Variants in SMIM36 observed in about 807,000 individuals in gnomAD.
The protein encoded by SMIM36 is small integral membrane protein 36.
intron 1 of SMIM36, among the ~76,000 whole-genome samples, chr17:55,498,852 T>C (rs1909857257): frequency 6.6e-6 from 1 of 151,520 alleles, no homozygotes; most frequent in Non-Finnish European, 1.5e-5. Flanking sequence ...CACAAAAAAT[T>C]AGCCTGCATG....
chr17:55,485,395 C>G (rs908363606), intron 1 of SMIM36, among the ~76,000 whole-genome samples: 2 of 152,072 alleles, frequency 1.3e-5, no homozygotes, highest in Non-Finnish European at 2.9e-5. Context: ...CTCAAGCAGT[C>G]CCACCTCAGC....
chr17:55,450,972 C>G lies in SMIM36; in HGVS notation c.*532-674G>C, dbSNP rs374235349. On this transcript the variant is annotated intron_variant, in intron 4 of 4. Transcript: ENST00000636752. ...CACGATCATGGCTCACTGCAACCTC[C>G]GCCTCCCGAGTTCAAGCAATTCTCC... 1.2e-4 allele frequency among the ~76,000 whole-genome samples: 19 copies of G among 152,292 alleles called. No individual in the cohort carries two copies. In the East Asian group the frequency reaches 3.5e-3, roughly 28 times the overall value.
At chr17:55,466,053 G>A (rs1221047321) in intron 4 of SMIM36, among the ~76,000 whole-genome samples, 9 of 151,940 alleles carry the variant, frequency 5.9e-5, no homozygotes, top group African/African-American at 2.2e-4. Context: ...CGAGGTGGGC[G>A]GATCACCTGA....
chr17:55,515,707 A>G (rs529949296), upstream of SMIM36, among the ~76,000 whole-genome samples: 1 of 152,348 alleles, frequency 6.6e-6, no homozygotes, highest in East Asian at 1.9e-4. Context: ...CAGGCCTGGG[A>G]CAGACCCTCC....
chr17:55,522,739 A>G, the SMIM36 span, among the ~76,000 whole-genome samples: 4 of 152,016 alleles, frequency 2.6e-5, no homozygotes, highest in Non-Finnish European at 4.4e-5. Flanking sequence ...TTTCTCCTTT[A>G]TTCTGCTTAT....
chr17:55,451,545 T>C (rs1348134804), intron 4 of SMIM36, among the ~76,000 whole-genome samples: 1 of 152,222 alleles, frequency 6.6e-6, no homozygotes, highest in Non-Finnish European at 1.5e-5. Context: ...AACAGTCTTG[T>C]TTATTTGTTG....
At chr17:55,470,727 A>G (rs1392624606) in intron 3 of SMIM36, among the ~76,000 whole-genome samples, 1 of 152,012 alleles carries the variant, frequency 6.6e-6, no homozygotes, top group African/African-American at 2.4e-5. Context: ...CCCTACCTTA[A>G]TCCGCAAGTA....
chr17:55,473,954 TGCATGAGAAGA>T (rs1442779289), intron 3 of SMIM36, among the ~76,000 whole-genome samples: 1 of 152,176 alleles, frequency 6.6e-6, no homozygotes, highest in African/African-American at 2.4e-5. Flanking sequence ...ATCAGTTATT[TGCATGAGAAGA>T]GCACTGTGAA....
the SMIM36 span, among the ~76,000 whole-genome samples, chr17:55,528,595 C>G: frequency 6.7e-6 from 1 of 150,138 alleles, no homozygotes; most frequent in African/African-American, 2.5e-5. Flanking sequence ...TTTTGTTGTC[C>G]AGGCTGGAGT....
chr17:55,496,856 C>G (rs889419841), intron 1 of SMIM36, among the ~76,000 whole-genome samples: 1 of 152,130 alleles, frequency 6.6e-6, no homozygotes, highest in Non-Finnish European at 1.5e-5. Context: ...AAGTCAGGAT[C>G]CCTGGATTCT....
At chr17:55,530,457 G>A in the SMIM36 span, among the ~76,000 whole-genome samples, 1 of 152,166 alleles carries the variant, frequency 6.6e-6, no homozygotes, top group Non-Finnish European at 1.5e-5. Flanking sequence ...AGATTGTAGA[G>A]CTAATTAATA....
chr17:55,480,890 A>G (rs1287776750), intron 1 of SMIM36, among the ~76,000 whole-genome samples: 2 of 151,784 alleles, frequency 1.3e-5, no homozygotes, highest in Admixed American at 1.3e-4. Context: ...GTTATCTTAG[A>G]TTTTTCTATG....
At chr17:55,516,511 C>T in the SMIM36 span, among the ~76,000 whole-genome samples, 1 of 150,374 alleles carries the variant, frequency 6.7e-6, no homozygotes, top group Non-Finnish European at 1.5e-5. Context: ...ATATAACAGG[C>T]CAAAATGTAG....
At chr17:55,492,659 C>A (rs1010594877) in intron 1 of SMIM36, among the ~76,000 whole-genome samples, 2 of 150,740 alleles carry the variant, frequency 1.3e-5, no homozygotes, top group African/African-American at 2.4e-5. Context: ...ACACACACAT[C>A]AATTGCTAAC....
At chr17:55,502,820 C>G (rs1426588725) in intron 1 of SMIM36, among the ~76,000 whole-genome samples, 1 of 81,906 alleles carries the variant, frequency 1.2e-5, no homozygotes, top group Non-Finnish European at 2.2e-5. Flanking sequence ...AAGTTGAAAA[C>G]TTTGAAAAAA....
intron 1 of SMIM36, among the ~76,000 whole-genome samples, chr17:55,502,975 C>T (rs1395379182): frequency 1.3e-5 from 2 of 151,192 alleles, no homozygotes; most frequent in African/African-American, 2.5e-5. Context: ...AGGGTGTCAG[C>T]AATGGAAGAC....
chr17:55,514,635 T>C (rs1415519344), upstream of SMIM36, among the ~76,000 whole-genome samples: 1 of 152,232 alleles, frequency 6.6e-6, no homozygotes, highest in African/African-American at 2.4e-5. Flanking sequence ...CTATGGAGCA[T>C]TCAAGACCCA....
intron 1 of SMIM36, among the ~76,000 whole-genome samples, chr17:55,484,142 T>C (rs544601882): frequency 1.3e-5 from 2 of 151,856 alleles, no homozygotes; most frequent in African/African-American, 2.4e-5. Flanking sequence ...AAAATCACCA[T>C]AGCAAAAAAC....
chr17:55,464,326 C>T (rs115680808), intron 4 of SMIM36, among the ~76,000 whole-genome samples: 4,443 of 152,112 alleles, frequency 0.029, 229 homozygotes, highest in African/African-American at 0.1. Flanking sequence ...TCGACCTAGG[C>T]CTTTCCTGAA....
Sources: allele counts gnomAD v4.1 joint callset (sites outside exome capture counted in the v4.1 genomes callset), GRCh38; gene constraint gnomAD v4.1.1; transcripts MANE v1.5; gene names NCBI Gene and HGNC (gene_info 2026-07-23, HGNC 2026-07-21).